CUX1: variants seen among roughly 807,000 people sequenced by gnomAD.
CUX1 encodes cut like homeobox 1.
Under a neutral mutation model 158.8 loss-of-function variants are expected in CUX1, and 31 were observed. That is an observed-to-expected ratio of 0.20 (90% CI 0.15 to 0.26). The LOEUF (loss-of-function observed/expected upper bound fraction) is 0.26. Among genes scored for constraint, CUX1 ranks in the 10% least tolerant of loss-of-function variants. The pLI, the probability that CUX1 is intolerant of heterozygous loss-of-function variation, is 1.00. For synonymous variants in CUX1, 879 were observed against 862.1 expected (o/e 1.02, Z -0.34); for missense variants, 1,589 against 2,014.6 (o/e 0.79, Z 4.04).
chr7:101,923,100 C>T (rs1805154753), intron 2 of CUX1, among the ~76,000 whole-genome samples: 1 of 152,198 alleles, frequency 6.6e-6, no homozygotes, highest in Admixed American at 6.5e-5. Context: ...GCATGTCTGA[C>T]CTGCAGCCCC....
intron 2 of CUX1, among the ~76,000 whole-genome samples, chr7:101,932,014 G>A (rs1337177464): frequency 6.6e-6 from 1 of 152,114 alleles, no homozygotes; most frequent in Non-Finnish European, 1.5e-5. Flanking sequence ...AGGGATCCAC[G>A]GAAACTACCT....
intron 8 of CUX1, among the ~76,000 whole-genome samples, chr7:102,119,154 A>G (rs1554492671): frequency 6.6e-6 from 1 of 152,234 alleles, no homozygotes; most frequent in Non-Finnish European, 1.5e-5. Context: ...ATTCCCAGCA[A>G]GCTCAGAGCA....
At chr7:102,040,334 A>G (rs887464382) in intron 3 of CUX1, among the ~76,000 whole-genome samples, 1 of 152,168 alleles carries the variant, frequency 6.6e-6, no homozygotes, top group African/African-American at 2.4e-5. Flanking sequence ...CAGAGCTGGG[A>G]AAGAGCAGCA....
chr7:102,198,418 A>G (rs972851473), intron 15 of CUX1, among the ~76,000 whole-genome samples: 6 of 152,242 alleles, frequency 3.9e-5, no homozygotes, highest in Non-Finnish European at 7.3e-5. Context: ...AACAGCATCA[A>G]TTTGCACCAA....
intron 1 of CUX1, among the ~76,000 whole-genome samples, chr7:101,871,527 C>G (rs936152457): frequency 5.3e-5 from 8 of 152,074 alleles, no homozygotes; most frequent in African/African-American, 1.9e-4. Flanking sequence ...TTAGAGGCGA[C>G]CTTGGGCACG....
intron 18 of CUX1, 69 bp from the exon 19 acceptor site, chr7:102,204,322 T>G (rs1795737874): frequency 6.3e-7 from 1 of 1,580,256 alleles, no homozygotes; most frequent in Non-Finnish European, 8.6e-7. Context: ...GGGTGTGCAT[T>G]GCAGCAGCAT....
intron 18 of CUX1, among the ~76,000 whole-genome samples, 192 bp from the exon 19 acceptor site, chr7:102,204,199 G>T (rs545394219): frequency 1.3e-5 from 2 of 152,298 alleles, no homozygotes; most frequent in Admixed American, 1.3e-4. Flanking sequence ...CCTGTGCCGG[G>T]GTCTCAGCCA....
intron 7 of CUX1, among the ~76,000 whole-genome samples, chr7:102,113,868 T>G (rs1831191176): frequency 6.6e-6 from 1 of 152,132 alleles, no homozygotes; most frequent in East Asian, 1.9e-4. Flanking sequence ...GCACCTGGCC[T>G]TTAAAAAAAA....
intron 11 of CUX1, 131 bp from the exon 12 acceptor site, chr7:102,189,682 C>T (rs1232945805): frequency 2.4e-5 from 22 of 928,214 alleles, no homozygotes; most frequent in South Asian, 1.5e-4. Flanking sequence ...GCCCCAGCAC[C>T]GTTGACTCCA....
intron 2 of CUX1, among the ~76,000 whole-genome samples, chr7:101,998,978 C>T (rs1277208108): frequency 6.6e-6 from 1 of 152,118 alleles, no homozygotes; most frequent in African/African-American, 2.4e-5. Flanking sequence ...GCAGCATTTC[C>T]CTCCTCGGGC....
intron 4 of CUX1, among the ~76,000 whole-genome samples, chr7:102,086,802 A>G (rs781981442): frequency 2.0e-5 from 3 of 152,002 alleles, no homozygotes; most frequent in Non-Finnish European, 4.4e-5. Flanking sequence ...TTTGATTTGC[A>G]TAGTTTAAAG....
intron 23 of CUX1, among the ~76,000 whole-genome samples, chr7:102,240,391 C>G (rs1451375694): frequency 6.6e-6 from 1 of 152,128 alleles, no homozygotes; most frequent in African/African-American, 2.4e-5. Flanking sequence ...ACCTCAGCCT[C>G]CTGAGTAGCT....
intron 13 of CUX1, 139 bp from the exon 14 acceptor site, chr7:102,195,368 C>T (rs778646253): frequency 1.7e-6 from 1 of 592,146 alleles, no homozygotes; most frequent in Non-Finnish European, 2.8e-6. Flanking sequence ...AATCAGCTGT[C>T]CGCAGCCCAC....
At chr7:101,885,092 A>G (rs1800090598) in intron 1 of CUX1, among the ~76,000 whole-genome samples, 2 of 152,218 alleles carry the variant, frequency 1.3e-5, no homozygotes, top group African/African-American at 4.8e-5. Context: ...AATTATTTTT[A>G]CACACAAGCC....
intron 17 of CUX1, among the ~76,000 whole-genome samples, chr7:102,276,070 A>G (rs1424864788): frequency 6.6e-6 from 1 of 151,806 alleles, no homozygotes; most frequent in Non-Finnish European, 1.5e-5. Flanking sequence ...GTGCATATAG[A>G]CCACATTTTG....
chr7:102,215,095 G>A (rs78735590), intron 20 of CUX1, among the ~76,000 whole-genome samples: 12,314 of 152,176 alleles, frequency 0.081, 775 homozygotes, highest in African/African-American at 0.17. Context: ...CTCCTTCCTC[G>A]CCATCAGGCC....
At chr7:101,880,007 G>C (rs1261695140) in intron 1 of CUX1, among the ~76,000 whole-genome samples, 2 of 152,224 alleles carry the variant, frequency 1.3e-5, no homozygotes, top group South Asian at 4.1e-4. Flanking sequence ...GGCTGGGGGA[G>C]AGGAGGCGTT....
intron 1 of CUX1, among the ~76,000 whole-genome samples, chr7:101,868,906 A>G (rs1584818808): frequency 6.6e-6 from 1 of 152,170 alleles, no homozygotes; most frequent in East Asian, 1.9e-4. Flanking sequence ...TGAGGACTGA[A>G]TCTGAACGGG....
intron 7 of CUX1, chr7:102,112,052 C>A: frequency 3.1e-6 from 1 of 322,278 alleles, no homozygotes; most frequent in Non-Finnish European, 5.8e-6. Flanking sequence ...TTCCAACAAA[C>A]ACTTCTAAAT....
Sources: gnomAD v4.1 joint callset for allele counts (sites outside exome capture counted in the v4.1 genomes callset) on GRCh38, gnomAD v4.1.1 for gene constraint, MANE v1.5 for transcripts, NCBI Gene and HGNC (gene_info 2026-07-23, HGNC 2026-07-21) for gene names.